TOMM70: variants seen among roughly 807,000 people sequenced by gnomAD.
TOMM70 encodes mitochondrial import receptor subunit TOM70.
TOMM70 carries 13 observed loss-of-function variants against 73.6 expected under a neutral mutation model. That is an observed-to-expected ratio of 0.18 (90% CI 0.11 to 0.28). The LOEUF (loss-of-function observed/expected upper bound fraction) is 0.28, where lower values mean the gene tolerates loss of function less well. Among genes scored for constraint, TOMM70 ranks in the 10% least tolerant of loss-of-function variants. The pLI is 1.00. For missense variants in TOMM70, 609 were observed against 747.5 expected, an observed-to-expected ratio of 0.81 and a Z score of 2.16; for synonymous variants, 257 against 271.2, an observed-to-expected ratio of 0.95 and a Z score of 0.51.
rs928354403 is a variant in TOMM70 at position 100,390,717 on chromosome 3, T to C, written c.325-3739A>G. 3.9e-5 allele frequency among the ~76,000 whole-genome samples: 6 copies of C among 152,116 alleles called. 1 individual carries two copies. In the South Asian group the frequency reaches 1.2e-3, roughly 32 times the overall value. On this transcript the variant is annotated intron_variant, in intron 1 of 11. Coordinates refer to ENST00000284320, the MANE Select transcript of TOMM70 (RefSeq NM_014820.5). ...GGTGGCGAGCGCCTGTAATCCCAGC[T>C]ACTCAGAAGGCTGAGTCAGGAGAAT...
chr3:100,384,425 T>C, intron 4 of TOMM70, 54 bp downstream of exon 4: 1 of 1,257,428 alleles, frequency 8.0e-7, no homozygotes, highest in Non-Finnish European at 1.1e-6. Context: ...AATTAGAAAA[T>C]ACCCTTCACA....
At chr3:100,379,943 A>G (rs983703556) in intron 5 of TOMM70, among the ~76,000 whole-genome samples, 1 of 152,310 alleles carries the variant, frequency 6.6e-6, no homozygotes, top group Non-Finnish European at 1.5e-5. Flanking sequence ...AAAAAAATTT[A>G]AAAAGTTATG....
At chr3:100,379,829 G>C (rs1706610014) in intron 5 of TOMM70, among the ~76,000 whole-genome samples, 1 of 151,992 alleles carries the variant, frequency 6.6e-6, no homozygotes, top group Non-Finnish European at 1.5e-5. Context: ...ATGTTGCCCA[G>C]GCTAGTCTCA....
At chr3:100,372,514 G>T in intron 9 of TOMM70, 92 bp downstream of exon 9, 1 of 1,017,192 alleles carries the variant, frequency 9.8e-7, no homozygotes, top group Non-Finnish European at 1.5e-6. Flanking sequence ...TTCCAAAGAA[G>T]CTGCAACCAT....
At chr3:100,366,641 T>C (rs1706449766) in intron 11 of TOMM70, among the ~76,000 whole-genome samples, 1 of 152,224 alleles carries the variant, frequency 6.6e-6, no homozygotes. Flanking sequence ...ATCTGCAAAA[T>C]CCTAGGATAA....
At chr3:100,381,489 T>G in intron 5 of TOMM70, 126 bp downstream of exon 5, 1 of 504,386 alleles carries the variant, frequency 2.0e-6, no homozygotes, top group Non-Finnish European at 3.1e-6. Flanking sequence ...TAATTATATT[T>G]CTGTCTATCT....
At chr3:100,372,080 TG>T (rs1316581365) in intron 9 of TOMM70, 1 of 152,252 alleles carries the variant, frequency 6.6e-6, no homozygotes, top group African/African-American at 2.4e-5. Context: ...TTCATTTAAA[TG>T]GATGATTTAA....
At chr3:100,372,812 C>CA (rs998769592) in intron 8 of TOMM70, 90 bp from the exon 9 acceptor site, 69 of 1,103,478 alleles carry the variant, frequency 6.3e-5, no homozygotes, top group African/African-American at 3.8e-4. Context: ...TAAATATTTC[C>CA]AAAAAAACAG....
At chr3:100,382,804 G>C (rs1273017369) in intron 4 of TOMM70, among the ~76,000 whole-genome samples, 2 of 152,116 alleles carry the variant, frequency 1.3e-5, no homozygotes, top group African/African-American at 4.8e-5. Context: ...AGGGATTTAA[G>C]TATCAAAGGA....
intron 3 of TOMM70, among the ~76,000 whole-genome samples, 159 bp downstream of exon 3, chr3:100,386,059 G>A (rs1388547482): frequency 1.3e-5 from 2 of 152,094 alleles, no homozygotes; most frequent in Non-Finnish European, 2.9e-5. Flanking sequence ...TTAAGTATCA[G>A]CAATCTTACT....
chr3:100,387,144 T>C (rs1277342535), intron 1 of TOMM70, among the ~76,000 whole-genome samples, 166 bp from the exon 2 acceptor site: 1 of 152,190 alleles, frequency 6.6e-6, no homozygotes, highest in Non-Finnish European at 1.5e-5. Context: ...AGTAGGATTG[T>C]TGAGTCAAAA....
intron 11 of TOMM70, among the ~76,000 whole-genome samples, 172 bp downstream of exon 11, chr3:100,367,872 A>AACTTGGCTACCAATCCTTATGTC (rs1706463143): frequency 6.6e-6 from 1 of 152,208 alleles, no homozygotes; most frequent in Non-Finnish European, 1.5e-5. Context: ...ATTTTCTGGC[A>AACTTGGCTACCAATCCTTATGTC]ACTTGGCTAC....
At chr3:100,390,584 T>G (rs902301596) in intron 1 of TOMM70, among the ~76,000 whole-genome samples, 1 of 152,206 alleles carries the variant, frequency 6.6e-6, no homozygotes, top group African/African-American at 2.4e-5. Context: ...TCCCAGCACT[T>G]TGGGAGGCCA....
intron 1 of TOMM70, among the ~76,000 whole-genome samples, chr3:100,394,982 G>C (rs1177446463): frequency 6.6e-6 from 1 of 152,162 alleles, no homozygotes. Context: ...TCTTTACCTA[G>C]GAAGAATATA....
intron 1 of TOMM70, among the ~76,000 whole-genome samples, chr3:100,393,991 C>T (rs1010229452): frequency 2.6e-5 from 4 of 152,154 alleles, no homozygotes; most frequent in African/African-American, 9.7e-5. Flanking sequence ...GACTACATTG[C>T]AAAAAGCTGT....
intron 1 of TOMM70, among the ~76,000 whole-genome samples, chr3:100,391,367 C>T (rs1414676252): frequency 6.6e-6 from 1 of 152,038 alleles, no homozygotes; most frequent in Non-Finnish European, 1.5e-5. Flanking sequence ...GATGACAGAT[C>T]CATGCATGTT....
chr3:100,377,600 C>T, intron 6 of TOMM70, 105 bp downstream of exon 6: 1 of 1,049,480 alleles, frequency 9.5e-7, no homozygotes, highest in Non-Finnish European at 1.4e-6. Context: ...ACAAAAACAG[C>T]CCTTTGAAGA....
chr3:100,371,241 G>T (rs984740521), intron 9 of TOMM70, among the ~76,000 whole-genome samples: 2 of 151,448 alleles, frequency 1.3e-5, no homozygotes, highest in African/African-American at 4.9e-5. Flanking sequence ...TTAAGGAGAG[G>T]GGTCAACCAG....
intron 1 of TOMM70, among the ~76,000 whole-genome samples, chr3:100,399,974 G>A (rs1168712710): frequency 6.6e-6 from 1 of 152,048 alleles, no homozygotes; most frequent in Non-Finnish European, 1.5e-5. Context: ...AGGGGGCTTC[G>A]GGGTTGCTGA....
Sources: gnomAD v4.1 joint callset for allele counts (sites outside exome capture counted in the v4.1 genomes callset) on GRCh38, gnomAD v4.1.1 for gene constraint, MANE v1.5 for transcripts, NCBI Gene and HGNC (gene_info 2026-07-23, HGNC 2026-07-21) for gene names.